TENM2: variants seen among roughly 807,000 people sequenced by gnomAD.
TENM2 encodes the protein teneurin transmembrane protein 2, also known as teneurin-2.
Under a neutral mutation model 245.2 loss-of-function variants are expected in TENM2, and 52 were observed. The ratio of observed to expected loss-of-function variants is 0.21; its 90% CI spans 0.17 to 0.27. The LOEUF (loss-of-function observed/expected upper bound fraction) is 0.27. Ranked by LOEUF, TENM2 falls within the 10% of genes least tolerant of loss-of-function variation. The pLI is 1.00. For missense variants in TENM2, 3,046 were observed against 3,666.8 expected (o/e 0.83, Z 4.37); for synonymous variants, 1,363 against 1,438.9 (o/e 0.95, Z 1.19).
intron 2 of TENM2, among the ~76,000 whole-genome samples, chr5:167,767,158 C>G (rs776342645): frequency 2.0e-5 from 3 of 152,110 alleles, no homozygotes; most frequent in Non-Finnish European, 2.9e-5. Context: ...AAGTGTTGGT[C>G]AACAGATGAC....
chr5:167,918,724 C>T (rs1777131759), intron 3 of TENM2, among the ~76,000 whole-genome samples: 1 of 151,596 alleles, frequency 6.6e-6, no homozygotes, highest in African/African-American at 2.4e-5. Flanking sequence ...CCAGCACCTC[C>T]TGTTAGGCTG....
At chr5:167,289,114 C>G (rs1754494350) in intron 1 of TENM2, among the ~76,000 whole-genome samples, 1 of 152,174 alleles carries the variant, frequency 6.6e-6, no homozygotes, top group African/African-American at 2.4e-5. Context: ...CCTACAATAC[C>G]TCTCTACCAA....
At chr5:167,044,035 C>CGG in the TENM2 span, among the ~76,000 whole-genome samples, 288 of 73,500 alleles carry the variant, frequency 3.9e-3, 6 homozygotes, top group East Asian at 0.069. Flanking sequence ...ATAGTAAGGA[C>CGG]AGAAGGAAGG....
chr5:167,383,533 C>T (rs1339828583), intron 2 of TENM2, among the ~76,000 whole-genome samples: 1 of 152,034 alleles, frequency 6.6e-6, no homozygotes, highest in East Asian at 1.9e-4. Context: ...ATCCGCTTTC[C>T]TTGAAATATG....
chr5:168,079,877 T>C (rs1268190974), intron 7 of TENM2, among the ~76,000 whole-genome samples: 2 of 152,246 alleles, frequency 1.3e-5, no homozygotes, highest in Admixed American at 1.3e-4. Flanking sequence ...TCAGGGATGT[T>C]GGTCTAAAAT....
chr5:168,106,266 T>G (rs1794232631), intron 9 of TENM2, among the ~76,000 whole-genome samples: 1 of 152,198 alleles, frequency 6.6e-6, no homozygotes, highest in Non-Finnish European at 1.5e-5. Context: ...AACAGGAATC[T>G]TGCCATTTTT....
At chr5:167,115,767 G>A in the TENM2 span, among the ~76,000 whole-genome samples, 7 of 152,174 alleles carry the variant, frequency 4.6e-5, no homozygotes, top group Non-Finnish European at 8.8e-5. Context: ...AATTTTAATT[G>A]GAGGATGAAT....
At chr5:167,943,499 T>C (rs1266964227) in intron 3 of TENM2, among the ~76,000 whole-genome samples, 2 of 152,302 alleles carry the variant, frequency 1.3e-5, no homozygotes, top group South Asian at 4.1e-4. Context: ...GAGGTTTGGC[T>C]TTTTTAAAAA....
At chr5:167,541,509 AG>A (rs1265600158) in intron 2 of TENM2, among the ~76,000 whole-genome samples, 7 of 152,300 alleles carry the variant, frequency 4.6e-5, no homozygotes, top group African/African-American at 1.4e-4. Flanking sequence ...TCTGTTTCAA[AG>A]CAGCAGGAAT....
chr5:167,825,755 C>T (rs919786454), intron 2 of TENM2, among the ~76,000 whole-genome samples: 6 of 151,716 alleles, frequency 4.0e-5, no homozygotes, highest in Admixed American at 3.9e-4. Context: ...GTAAGAGGGC[C>T]GGGCATTTAA....
At chr5:167,520,625 G>T (rs1006400466) in intron 2 of TENM2, among the ~76,000 whole-genome samples, 2 of 152,076 alleles carry the variant, frequency 1.3e-5, no homozygotes, top group African/African-American at 4.8e-5. Flanking sequence ...AAAGGTTGAA[G>T]AGACTTCTGC....
the TENM2 span, among the ~76,000 whole-genome samples, chr5:167,235,325 G>A: frequency 6.6e-6 from 1 of 152,140 alleles, no homozygotes; most frequent in South Asian, 2.1e-4. Flanking sequence ...GTAGGGGCTA[G>A]GACTTCAACA....
chr5:167,017,251 C>T, the TENM2 span, among the ~76,000 whole-genome samples: 1 of 152,172 alleles, frequency 6.6e-6, no homozygotes, highest in Non-Finnish European at 1.5e-5. Context: ...TTTTTCATTT[C>T]AGAAGCCCAA....
the TENM2 span, among the ~76,000 whole-genome samples, chr5:166,981,390 C>T: frequency 6.6e-6 from 1 of 152,110 alleles, no homozygotes; most frequent in Non-Finnish European, 1.5e-5. Flanking sequence ...CCACAGTTGT[C>T]TTTGAGTGAA....
chr5:167,000,314 T>C, the TENM2 span, among the ~76,000 whole-genome samples: 1 of 152,328 alleles, frequency 6.6e-6, no homozygotes, highest in African/African-American at 2.4e-5. Flanking sequence ...TTGTTAGAAG[T>C]TTTCCTCTAT....
the TENM2 span, among the ~76,000 whole-genome samples, chr5:167,050,415 G>GA: frequency 6.6e-6 from 1 of 151,942 alleles, no homozygotes; most frequent in Admixed American, 6.6e-5. Flanking sequence ...CCCAGTCTGT[G>GA]AAAAAAAATT....
chr5:167,364,893 C>T (rs1324161558), intron 1 of TENM2, among the ~76,000 whole-genome samples: 1 of 151,718 alleles, frequency 6.6e-6, no homozygotes, highest in Non-Finnish European at 1.5e-5. Context: ...TTCTCAGTAA[C>T]TGAAAAAATA....
At chr5:167,739,667 T>C (rs181085522) in intron 2 of TENM2, among the ~76,000 whole-genome samples, 12 of 152,310 alleles carry the variant, frequency 7.9e-5, no homozygotes, top group Admixed American at 6.5e-4. Context: ...GTAAGGACCA[T>C]GAATCCACAA....
At chr5:167,365,429 G>T (rs1301531716) in intron 1 of TENM2, among the ~76,000 whole-genome samples, 1 of 150,692 alleles carries the variant, frequency 6.6e-6, no homozygotes, top group African/African-American at 2.4e-5. Flanking sequence ...GATAAGTGCA[G>T]AAATTAGGGA....
Sources: allele counts gnomAD v4.1 joint callset (sites outside exome capture counted in the v4.1 genomes callset), GRCh38; gene constraint gnomAD v4.1.1; transcripts MANE v1.5; gene names NCBI Gene and HGNC (gene_info 2026-07-23, HGNC 2026-07-21).